FKBP1A: variants seen among roughly 807,000 people sequenced by gnomAD.
FKBP1A encodes the protein peptidyl-prolyl cis-trans isomerase FKBP1A.
FKBP1A carries 5 observed loss-of-function variants against 14.2 expected under a neutral mutation model. The ratio of observed to expected loss-of-function variants is 0.35; its 90% confidence interval spans 0.18 to 0.74. The LOEUF is 0.74. FKBP1A is among the 30% of genes least tolerant of loss of function. The pLI is 0.56. For synonymous variants in FKBP1A, 42 were observed against 49.1 expected (o/e 0.86, Z 0.60); for missense variants, 53 against 138.8 (o/e 0.38, Z 3.10).
intron 4 of FKBP1A, 36 bp from the exon 5 acceptor site, chr20:1,370,108 C>T: frequency 6.5e-7 from 1 of 1,542,102 alleles, no homozygotes. Flanking sequence ...TTTCCAGCAA[C>T]TCAGTGTTCT....
chr20:1,382,440 C>CA (rs1353172024), intron 2 of FKBP1A, among the ~76,000 whole-genome samples: 6 of 152,182 alleles, frequency 3.9e-5, no homozygotes, highest in African/African-American at 1.2e-4. Flanking sequence ...TCATGCCTAA[C>CA]AAACTGCCTG....
intron 2 of FKBP1A, chr20:1,378,542 A>G (rs2089579005): frequency 6.6e-6 from 1 of 152,118 alleles, no homozygotes; most frequent in Non-Finnish European, 1.5e-5. Flanking sequence ...TTGGGTGATC[A>G]TGATGTGTCA....
rs2089672794 is a variant in FKBP1A, at chr20:1,386,740, G to A, written c.85+6094C>T. Among the ~76,000 whole-genome samples the A allele has an allele frequency of 6.6e-6, 1 of 152,216 alleles. No homozygotes were observed. Among genetic ancestry groups the A allele is most frequent in the Non-Finnish European group, 1.5e-5 (1 of 68,042 alleles). On this transcript the variant is annotated intron_variant, in intron 2 of 4. Transcript: ENST00000400137. This position sits in a 1 kb window ranked among gnomAD's most constrained non-coding sequence, Gnocchi z 4.7. ...TCGAGGAATGAATGCAGGCCAAGGT[G>A]GCTTGAGCTCCTGGGAGAGGAAGAG...
At chr20:1,370,572 A>C (rs1600321590) in intron 4 of FKBP1A, 1 of 985,450 alleles carries the variant, frequency 1.0e-6, no homozygotes, top group Middle Eastern at 5.2e-4. Context: ...TGTTGAGTAT[A>C]CTGGGAAAAT....
At chr20:1,382,319 G>A (rs942479869) in intron 2 of FKBP1A, among the ~76,000 whole-genome samples, 2 of 152,162 alleles carry the variant, frequency 1.3e-5, no homozygotes, top group East Asian at 3.8e-4. Context: ...GTGCAGACAA[G>A]ACAGCTGACA....
At chr20:1,375,279 G>T (rs943436573) in intron 3 of FKBP1A, 2 of 594,196 alleles carry the variant, frequency 3.4e-6, no homozygotes, top group East Asian at 2.8e-5. Flanking sequence ...GTGTGTGAAA[G>T]CAAGAAAAAA....
intron 3 of FKBP1A, chr20:1,375,257 G>A: frequency 1.7e-6 from 1 of 581,564 alleles, no homozygotes; most frequent in South Asian, 2.2e-5. Flanking sequence ...AAAGTAAACT[G>A]CAAAACAGTA....
At chr20:1,390,992 G>A (rs2089728831) in intron 2 of FKBP1A, among the ~76,000 whole-genome samples, 1 of 152,216 alleles carries the variant, frequency 6.6e-6, no homozygotes. Flanking sequence ...TGGGTCTCAT[G>A]ACCATCTGTT....
At chr20:1,391,668 G>C (rs2089738442) in intron 2 of FKBP1A, 3 of 398,520 alleles carry the variant, frequency 7.5e-6, no homozygotes, top group Admixed American at 4.4e-5. Flanking sequence ...TCCATGATTT[G>C]GAAGAGAAAG....
In FKBP1A at chr20:1,379,545, T is replaced by C. The variant is rs1391785175; in HGVS notation, c.86-3942A>G. ...AGTAAAGGAGCTTTAAACAGGACCT[T>C]TGCCTAGGATCTTAATTTTCCTATG... On this transcript the variant is annotated intron_variant, in intron 2 of 4. Coordinates refer to ENST00000400137, the MANE Select transcript of FKBP1A (RefSeq NM_000801.5). This position sits in a 1 kb window ranked among gnomAD's most constrained non-coding sequence, Gnocchi z 4.3. Among the ~76,000 whole-genome samples, 1 of 152,208 alleles carries C rather than the reference T, an allele frequency of 6.6e-6. No individual in the cohort carries two copies. Among genetic ancestry groups the C allele is most frequent in the Non-Finnish European group, 1.5e-5 (1 of 68,032 alleles).
intron 3 of FKBP1A, among the ~76,000 whole-genome samples, chr20:1,373,766 C>A (rs6041772): frequency 6.6e-6 from 1 of 152,074 alleles, no homozygotes; most frequent in Non-Finnish European, 1.5e-5. Flanking sequence ...GGAGCAGTCA[C>A]AGAAGATGGG....
At chr20:1,371,179 T>A (rs2089459324) in intron 4 of FKBP1A, 1 of 985,306 alleles carries the variant, frequency 1.0e-6, no homozygotes, top group African/African-American at 1.7e-5. Context: ...TAAAAAGGTC[T>A]GGGGCCAGTT....
chr20:1,385,576 G>T (rs746482638), intron 2 of FKBP1A, among the ~76,000 whole-genome samples: 14 of 152,036 alleles, frequency 9.2e-5, no homozygotes, highest in Non-Finnish European at 1.8e-4. Context: ...TGACACAGCA[G>T]CCAGACCCTA....
At position 1,369,197 on chromosome 20, in the gene FKBP1A, C is replaced by T. The variant is rs2089428004; in HGVS notation, c.*912G>A. On this transcript the variant is annotated 3_prime_UTR_variant, in exon 5 of 5. Transcript: ENST00000400137. ...ATGCTGAAGCTGCGATGACCAGCATCATTTTCTTAAGAGAACATTCAAGGA... is the reference window on the plus strand; with the variant it reads ...ATGCTGAAGCTGCGATGACCAGCATTATTTTCTTAAGAGAACATTCAAGGA... The T allele has an allele frequency of 1.2e-5, 2 of 167,016 alleles. No homozygotes were observed. Among genetic ancestry groups the T allele is most frequent in the African/African-American group, 4.8e-5 (2 of 41,408 alleles). The allele number at this position is 167,016 out of a possible 1,614,324, so 10.3% of individuals were successfully genotyped here.
chr20:1,391,871 T>TCACTGCCA (rs973561268), intron 2 of FKBP1A: 93 of 385,382 alleles, frequency 2.4e-4, no homozygotes, highest in African/African-American at 1.9e-3. Context: ...GCTACACCAA[T>TCACTGCCA]CACTGCCACC....
chr20:1,370,995 G>C (rs949532052), intron 4 of FKBP1A: 10 of 984,850 alleles, frequency 1.0e-5, no homozygotes, highest in Non-Finnish European at 9.6e-6. Context: ...GGTTCAAACA[G>C]AGAGTTTAAA....
Position 1,369,026 on chromosome 20 carries a change from A to C in FKBP1A, c.*1083T>G, listed in dbSNP as rs912151666. ...TTTTATTGCAATAATAAAACTTGAG[A>C]CTCATAAATGGTGCTGGGGGAAGGG... is the stretch of plus-strand genomic sequence containing the variant. On this transcript the variant is annotated 3_prime_UTR_variant, in exon 5 of 5. Transcript: ENST00000400137. 1 of 166,938 alleles carries C rather than the reference A, an allele frequency of 6.0e-6. No homozygotes were observed. The highest frequency in any genetic ancestry group is 1.5e-5 in the Non-Finnish European group (1 of 68,108). 10.3% of individuals were successfully genotyped at this position (166,938 alleles called of 1,614,324 possible).
chr20:1,383,838 T>TAA (rs544119938), intron 2 of FKBP1A, among the ~76,000 whole-genome samples: 4,051 of 136,764 alleles, frequency 0.03, 192 homozygotes, highest in African/African-American at 0.1. Flanking sequence ...CTCTGTCTCT[T>TAA]AAAAAAAAAA....
At position 1,380,384 on chromosome 20, in the gene FKBP1A, T is replaced by C. The variant is rs772366975; in HGVS notation, c.86-4781A>G. Among the ~76,000 whole-genome samples, 35 of 151,982 alleles carry C rather than the reference T, an allele frequency of 2.3e-4. 1 individual carries two copies. The highest frequency in any genetic ancestry group is 2.2e-3 in the Admixed American group (34 of 15,262). On this transcript the variant is annotated intron_variant, in intron 2 of 4. Transcript: ENST00000400137. ...TCTCAGTGCATGTATCTGAGCAAAC[T>C]ATTCAAGGCCAGGAAAAGAACTATC...
Sources: gnomAD v4.1 joint callset for allele counts (sites outside exome capture counted in the v4.1 genomes callset) on GRCh38, gnomAD v4.1.1 for gene constraint, Gnocchi (gnomAD v3.1) non-coding constraint, MANE v1.5 for transcripts, NCBI Gene and HGNC (gene_info 2026-07-23, HGNC 2026-07-21) for gene names.